CCDC152: variants seen among roughly 807,000 people sequenced by gnomAD.
CCDC152 encodes the protein coiled-coil domain-containing protein 152.
Under a neutral mutation model 38.1 loss-of-function variants are expected in CCDC152, and 37 were observed. That is an observed-to-expected ratio of 0.97 (90% CI 0.75 to 1.28). The LOEUF is 1.28. CCDC152 is among the 50% of genes most tolerant of loss of function. The pLI, the probability that CCDC152 is intolerant of heterozygous loss-of-function variation, is 0.00. For synonymous variants in CCDC152, 83 were observed against 87.1 expected, an observed-to-expected ratio of 0.95 and a Z score of 0.26; for missense variants, 259 against 292.1, an observed-to-expected ratio of 0.89 and a Z score of 0.83.
chr5:42,782,234 T>C (rs1759856212), intron 5 of CCDC152, among the ~76,000 whole-genome samples: 1 of 152,210 alleles, frequency 6.6e-6, no homozygotes, highest in Non-Finnish European at 1.5e-5. Flanking sequence ...TCAAAGAGAC[T>C]CATCTTACAT....
At chr5:42,773,136 AG>A (rs1167058501) in intron 4 of CCDC152, among the ~76,000 whole-genome samples, 3 of 152,234 alleles carry the variant, frequency 2.0e-5, no homozygotes, top group African/African-American at 7.2e-5. Context: ...TAGCAAGAAA[AG>A]TAAACTAAAA....
In CCDC152 at chr5:42,800,646, T is replaced by G; in HGVS notation, c.*865T>G. Reference sequence around the variant, plus strand: ...TAATTTCTATTTTTGGTTCACTAATTTGGTAGTTTATAAAAATGCTGGAAA... The same window carrying G: ...TAATTTCTATTTTTGGTTCACTAATGTGGTAGTTTATAAAAATGCTGGAAA... On this transcript the variant is annotated 3_prime_UTR_variant, in exon 9 of 9. Transcript: ENST00000361970. 1 of 1,479,758 alleles carries G rather than the reference T, an allele frequency of 6.8e-7. No homozygotes were observed. The highest frequency in any genetic ancestry group is 9.1e-7 in the Non-Finnish European group (1 of 1,104,942). 91.7% of individuals were successfully genotyped at this position (1,479,758 alleles called of 1,614,324 possible).
chr5:42,796,774 TATA>T (rs1760081520), intron 6 of CCDC152, 52 bp from the exon 7 acceptor site: 3 of 1,107,990 alleles, frequency 2.7e-6, no homozygotes, highest in Admixed American at 3.7e-5. Flanking sequence ...AATACAAACT[TATA>T]ATAATTTTGA....
At chr5:42,786,172 G>A (rs577709659) in intron 6 of CCDC152, among the ~76,000 whole-genome samples, 1 of 152,032 alleles carries the variant, frequency 6.6e-6, no homozygotes, top group Admixed American at 6.5e-5. Context: ...TTTTGGAATA[G>A]TTTCAGTAAT....
At chr5:42,773,967 C>G (rs914667794) in intron 4 of CCDC152, among the ~76,000 whole-genome samples, 12 of 152,194 alleles carry the variant, frequency 7.9e-5, no homozygotes, top group Admixed American at 3.3e-4. Flanking sequence ...GAAAATCCTT[C>G]AAACGTACCT....
At chr5:42,777,987 A>T (rs937536786) in intron 4 of CCDC152, among the ~76,000 whole-genome samples, 2 of 152,222 alleles carry the variant, frequency 1.3e-5, no homozygotes, top group African/African-American at 4.8e-5. Flanking sequence ...ACCACAAAAC[A>T]AACCTTCCTA....
chr5:42,769,625 A>G lies in CCDC152; in HGVS notation c.222A>G (p.Lys74=). 2 of 1,487,774 alleles carry G rather than the reference A, an allele frequency of 1.3e-6. No individual in the cohort carries two copies. The highest frequency in any genetic ancestry group is 1.8e-6 in the Non-Finnish European group (2 of 1,117,710). The allele number at this position is 1,487,774 out of a possible 1,614,324, so 92.2% of individuals were successfully genotyped here. A position where few individuals can be genotyped will look rare whatever the true frequency, so the allele number is the denominator to read the frequency against. ...EECATLHNII[K]GLQQTIEYQQ... ...GTGCTACTCTTCATAATATAATAAA[A>G]GGGCTACAACAGACCATTGAATATC... The change falls in exon 4 of 9, where the codon AAA becomes AAG. Residue 74 remains lysine (K), a synonymous_variant. Coordinates refer to ENST00000361970, the MANE Select transcript of CCDC152 (RefSeq NM_001134848.2).
intron 6 of CCDC152, among the ~76,000 whole-genome samples, 179 bp from the exon 7 acceptor site, chr5:42,796,650 A>T (rs532990379): frequency 6.6e-6 from 1 of 152,214 alleles, no homozygotes; most frequent in Non-Finnish European, 1.5e-5. Context: ...TGTCTCAAAC[A>T]TTATTCAGGG....
At chr5:42,794,932 T>C (rs1347128761) in intron 6 of CCDC152, among the ~76,000 whole-genome samples, 1 of 151,954 alleles carries the variant, frequency 6.6e-6, no homozygotes, top group Non-Finnish European at 1.5e-5. Context: ...TGATTATCAA[T>C]CTAATAGAGG....
chr5:42,771,295 A>G (rs13170633), intron 4 of CCDC152, among the ~76,000 whole-genome samples: 142 of 152,152 alleles, frequency 9.3e-4, no homozygotes, highest in Non-Finnish European at 1.5e-3. Context: ...TTATGGCTGT[A>G]AAGCCTAAAT....
At chr5:42,780,054 A>G (rs1320869540) in intron 5 of CCDC152, among the ~76,000 whole-genome samples, 2 of 152,234 alleles carry the variant, frequency 1.3e-5, no homozygotes, top group East Asian at 3.8e-4. Flanking sequence ...TGTAGAACAC[A>G]TGAACAGCGT....
rs2548717 is a variant in CCDC152, at chr5:42,793,251, C to T, written c.431-3578C>T. 2.1e-3 allele frequency among the ~76,000 whole-genome samples: 323 copies of T among 152,044 alleles called. 2 individuals are homozygous for T. The highest frequency in any genetic ancestry group is 7.3e-3 in the African/African-American group (304 of 41,472). ...TTCTTGAAAATGAAAATTATGGTGA[C>T]GAAAATCAGATCAATGTTTGCCAGT... On this transcript the variant is annotated intron_variant, in intron 6 of 8. Coordinates refer to ENST00000361970, the MANE Select transcript of CCDC152 (RefSeq NM_001134848.2).
At chr5:42,796,494 T>C (rs774350076) in intron 6 of CCDC152, among the ~76,000 whole-genome samples, 5 of 152,186 alleles carry the variant, frequency 3.3e-5, no homozygotes, top group Non-Finnish European at 7.4e-5. Context: ...TCTAGAGTCA[T>C]CCAGTAGTTT....
chr5:42,774,129 G>A (rs1759736390), intron 4 of CCDC152, among the ~76,000 whole-genome samples: 1 of 152,170 alleles, frequency 6.6e-6, no homozygotes, highest in South Asian at 2.1e-4. Flanking sequence ...TAAAATTGGA[G>A]ACAGGGAGGC....
At chr5:42,765,406 A>G (rs2111941863) in intron 3 of CCDC152, among the ~76,000 whole-genome samples, 1 of 152,338 alleles carries the variant, frequency 6.6e-6, no homozygotes, top group Middle Eastern at 3.4e-3. Context: ...AAGAAATAGA[A>G]AAAACAATCT....
chr5:42,786,002 A>G (rs1406364519), intron 6 of CCDC152, among the ~76,000 whole-genome samples: 3 of 151,836 alleles, frequency 2.0e-5, no homozygotes, highest in Non-Finnish European at 4.4e-5. Flanking sequence ...TATCTTTTTG[A>G]GGTGTTACTG....
chr5:42,787,636 A>G (rs898517299), intron 6 of CCDC152, among the ~76,000 whole-genome samples: 2 of 151,196 alleles, frequency 1.3e-5, no homozygotes, highest in Non-Finnish European at 1.5e-5. Flanking sequence ...TTATCATTAT[A>G]TAATAGTAGT....
At chr5:42,773,308 G>A (rs1759725922) in intron 4 of CCDC152, among the ~76,000 whole-genome samples, 1 of 152,104 alleles carries the variant, frequency 6.6e-6, no homozygotes, top group East Asian at 1.9e-4. Context: ...AATTCAATGA[G>A]ATGTAGAAAA....
intron 1 of CCDC152, 43 bp downstream of exon 1, chr5:42,756,928 T>G (rs1018409932): frequency 2.6e-5 from 4 of 152,738 alleles, no homozygotes; most frequent in Non-Finnish European, 5.9e-5. Context: ...TCCCGCTTTC[T>G]CCATAGAGAT....
Sources: allele counts gnomAD v4.1 joint callset (sites outside exome capture counted in the v4.1 genomes callset), GRCh38; gene constraint gnomAD v4.1.1; transcripts MANE v1.5; gene names NCBI Gene and HGNC (gene_info 2026-07-23, HGNC 2026-07-21).